The following CAMKMT variants were observed in gnomAD, a reference collection of about 807,000 sequenced individuals.
CAMKMT encodes CaM KMT.
A neutral mutation model predicts 48.0 loss-of-function variants in CAMKMT; 53 were observed. The ratio of observed to expected loss-of-function variants is 1.10; its 90% CI spans 0.89 to 1.39. CAMKMT has a LOEUF of 1.39. Among genes scored for constraint, CAMKMT ranks in the 40% most tolerant of loss-of-function variants. The probability of loss-of-function intolerance (pLI) is 0.00; values close to 1 mark genes in which losing one functional copy is unlikely to be tolerated. For synonymous variants in CAMKMT, 165 were observed against 152.3 expected (o/e 1.08, Z -0.61); for missense variants, 428 against 402.7 (o/e 1.06, Z -0.54).
At chr2:44,479,552 A>G (rs1668862360) in intron 3 of CAMKMT, among the ~76,000 whole-genome samples, 1 of 152,214 alleles carries the variant, frequency 6.6e-6, no homozygotes, top group Non-Finnish European at 1.5e-5. Context: ...AAAAGTGCCT[A>G]CACATTCATC....
intron 3 of CAMKMT, among the ~76,000 whole-genome samples, chr2:44,672,331 G>C (rs1428292865): frequency 6.6e-6 from 1 of 152,190 alleles, no homozygotes; most frequent in Non-Finnish European, 1.5e-5. Context: ...CTCACAAGTG[G>C]AGTGGGCAGA....
chr2:44,506,320 A>T (rs947722636), intron 3 of CAMKMT, among the ~76,000 whole-genome samples: 4 of 152,240 alleles, frequency 2.6e-5, no homozygotes, highest in Non-Finnish European at 5.9e-5. Context: ...TCTCTTCTAC[A>T]CAATATATTT....
intron 7 of CAMKMT, among the ~76,000 whole-genome samples, chr2:44,725,143 C>CGTGT (rs4039394): frequency 0.42 from 59,460 of 140,380 alleles, 12,543 homozygotes; most frequent in East Asian, 0.5. Context: ...GCTTTCTGGA[C>CGTGT]GTGTGTGTGT....
rs528866630 is a variant in CAMKMT, at chr2:44,714,455, A to G, written c.557-832A>G. ...GCCAAAGGCCATAGCGTAAGTCTGT[A>G]AAGACAGTTCTTCAGGGGACTTTTC... On this transcript the variant is annotated intron_variant, in intron 6 of 10. Coordinates refer to ENST00000378494, the MANE Select transcript of CAMKMT (RefSeq NM_024766.5). Among the ~76,000 whole-genome samples the G allele has an allele frequency of 4.6e-5, 7 of 152,328 alleles. No individual in the cohort carries two copies. In the East Asian group the frequency reaches 1.4e-3, roughly 29 times the overall value.
chr2:44,521,671 A>G (rs1285982486), intron 3 of CAMKMT, among the ~76,000 whole-genome samples: 1 of 152,206 alleles, frequency 6.6e-6, no homozygotes, highest in Non-Finnish European at 1.5e-5. Context: ...AGAGCCACTC[A>G]GTTTGAATGT....
In CAMKMT at chr2:44,626,346, A is replaced by G. The variant is rs866766757; in HGVS notation, c.377-77937A>G. On this transcript the variant is annotated intron_variant, in intron 3 of 10. Coordinates refer to ENST00000378494, the MANE Select transcript of CAMKMT (RefSeq NM_024766.5). ...TTTTCCAATTGTTTAGTGCTAGCAT[A>G]TAGAAATACAATTGATTTTTATACT... 3.9e-5 allele frequency among the ~76,000 whole-genome samples: 6 copies of G among 152,176 alleles called. No individual in the cohort carries two copies. The South Asian group carries it at 1.2e-3, about 32-fold the overall frequency.
chr2:44,677,296 T>G (rs188121880), intron 3 of CAMKMT, among the ~76,000 whole-genome samples: 14 of 152,152 alleles, frequency 9.2e-5, no homozygotes, highest in Admixed American at 8.5e-4. Flanking sequence ...ATAAGAGGAG[T>G]CACCAAACAT....
chr2:44,738,689 A>G (rs529204023), intron 7 of CAMKMT, among the ~76,000 whole-genome samples: 16 of 152,220 alleles, frequency 1.1e-4, no homozygotes, highest in Non-Finnish European at 2.1e-4. Context: ...TCTAGTGGGG[A>G]AAGAGAGAAG....
chr2:44,751,191 T>A (rs1558835247), intron 8 of CAMKMT, among the ~76,000 whole-genome samples: 1 of 152,180 alleles, frequency 6.6e-6, no homozygotes, highest in African/African-American at 2.4e-5. Flanking sequence ...TAAACAGGGA[T>A]GGCTTTCTCG....
chr2:44,507,034 T>G (rs936626432), intron 3 of CAMKMT, among the ~76,000 whole-genome samples: 1 of 151,742 alleles, frequency 6.6e-6, no homozygotes, highest in Non-Finnish European at 1.5e-5. Flanking sequence ...TTCAATATTA[T>G]TTACCTGTTC....
chr2:44,502,896 G>A (rs569717430), intron 3 of CAMKMT, among the ~76,000 whole-genome samples: 42 of 151,728 alleles, frequency 2.8e-4, no homozygotes, highest in Non-Finnish European at 5.4e-4. Flanking sequence ...GTAATTTGGG[G>A]GTATAGAAAA....
At chr2:44,537,353 G>A (rs934017382) in intron 3 of CAMKMT, among the ~76,000 whole-genome samples, 1 of 152,100 alleles carries the variant, frequency 6.6e-6, no homozygotes, top group African/African-American at 2.4e-5. Flanking sequence ...TAAAAAGTGA[G>A]AAGGGACATG....
intron 3 of CAMKMT, among the ~76,000 whole-genome samples, chr2:44,596,000 G>C (rs988625095): frequency 6.6e-6 from 1 of 151,936 alleles, no homozygotes; most frequent in East Asian, 1.9e-4. Flanking sequence ...GTGGGGGACT[G>C]GGGGAGGAGT....
Position 44,472,220 on chromosome 2 carries a change from G to A in CAMKMT, c.376+81915G>A, listed in dbSNP as rs572756773. Among the ~76,000 whole-genome samples the A allele has an allele frequency of 5.9e-4, 89 of 151,984 alleles. 2 individuals are homozygous for A. In the South Asian group the frequency reaches 8.1e-3, roughly 14 times the overall value. On this transcript the variant is annotated intron_variant, in intron 3 of 10. Transcript: ENST00000378494. ...CGAGTAGCTGGGACTACAGGTGCCCGCCACCACACCTGGCTAATTTTTTTG... is the reference window on the plus strand; with the variant it reads ...CGAGTAGCTGGGACTACAGGTGCCCACCACCACACCTGGCTAATTTTTTTG...
rs1267146360 is a variant in CAMKMT at position 44,707,298 on chromosome 2, G to C, written c.493-101G>C. 5.5e-6 allele frequency: 5 copies of C among 903,640 alleles called. No individual in the cohort carries two copies. The South Asian group carries it at 7.4e-5, about 13-fold the overall frequency. The allele number at this position is 903,640 out of a possible 1,614,324, so 56.0% of individuals were successfully genotyped here. A position where few individuals can be genotyped will look rare whatever the true frequency, so the allele number is the denominator to read the frequency against. ...GATTGAAGATTGTTACAGAGAAATA[G>C]GTGAGGAAGCATGATACTGAAGGCT... is the stretch of plus-strand genomic sequence containing the variant. On this transcript the variant is annotated intron_variant, in intron 5 of 10. Transcript: ENST00000378494.
intron 3 of CAMKMT, among the ~76,000 whole-genome samples, chr2:44,441,300 A>G (rs1040623018): frequency 1.3e-5 from 2 of 152,206 alleles, no homozygotes; most frequent in African/African-American, 4.8e-5. Context: ...TTTGACCTTT[A>G]AATTGTAACT....
intron 3 of CAMKMT, among the ~76,000 whole-genome samples, chr2:44,680,414 A>G (rs535181245): frequency 5.3e-5 from 8 of 152,286 alleles, no homozygotes; most frequent in Non-Finnish European, 8.8e-5. Flanking sequence ...TTTCATAAGG[A>G]CACCAGCACT....
chr2:44,751,366 C>T (rs985965067), intron 8 of CAMKMT, among the ~76,000 whole-genome samples: 8 of 152,170 alleles, frequency 5.3e-5, no homozygotes, highest in African/African-American at 1.7e-4. Context: ...CAATATGGTA[C>T]AGAGGTGAAT....
intron 3 of CAMKMT, among the ~76,000 whole-genome samples, chr2:44,664,313 G>A (rs1285449148): frequency 1.3e-5 from 2 of 152,200 alleles, no homozygotes; most frequent in African/African-American, 2.4e-5. Flanking sequence ...AAATGAAATA[G>A]CAAAGATGTA....
Sources: allele counts gnomAD v4.1 joint callset (sites outside exome capture counted in the v4.1 genomes callset), GRCh38; gene constraint gnomAD v4.1.1; transcripts MANE v1.5; gene names NCBI Gene and HGNC (gene_info 2026-07-23, HGNC 2026-07-21).